Variants in CCDC91 observed in about 807,000 individuals in gnomAD.
CCDC91 encodes coiled-coil domain-containing protein 91.
CCDC91 carries 48 observed loss-of-function variants against 63.2 expected under a neutral mutation model. That is an observed-to-expected ratio of 0.76 (90% CI 0.60 to 0.97). The LOEUF is 0.97. Among genes scored for constraint, CCDC91 ranks in the 50% least tolerant of loss-of-function variants. The probability of loss-of-function intolerance (pLI) is 0.00; values close to 1 mark genes in which losing one functional copy is unlikely to be tolerated. For synonymous variants in CCDC91, 167 were observed against 165.8 expected (o/e 1.01, Z -0.06); for missense variants, 500 against 494.6 (o/e 1.01, Z -0.10).
intron 7 of CCDC91, among the ~76,000 whole-genome samples, chr12:28,387,809 T>G (rs1027661874): frequency 6.6e-5 from 10 of 152,228 alleles, no homozygotes; most frequent in Admixed American, 1.3e-4. Context: ...TTTGGGCTGG[T>G]TCCACATTTT....
At chr12:28,273,520 A>G (rs926680256) in intron 3 of CCDC91, among the ~76,000 whole-genome samples, 244 of 152,124 alleles carry the variant, frequency 1.6e-3, no homozygotes, top group Middle Eastern at 6.8e-3. Context: ...TGACTTTTTA[A>G]TGATTGCCAT....
At chr12:28,497,710 G>A (rs1192396147) in intron 12 of CCDC91, among the ~76,000 whole-genome samples, 2 of 151,550 alleles carry the variant, frequency 1.3e-5, no homozygotes, top group African/African-American at 4.8e-5. Flanking sequence ...CATGTATAAT[G>A]TGATTAATAC....
intron 8 of CCDC91, among the ~76,000 whole-genome samples, chr12:28,431,262 C>T (rs778362599): frequency 3.9e-5 from 6 of 151,990 alleles, no homozygotes; most frequent in Admixed American, 2.6e-4. Flanking sequence ...CTGTTAAATT[C>T]ACATTTTGTT....
At chr12:28,261,852 C>T (rs971210278) in intron 3 of CCDC91, among the ~76,000 whole-genome samples, 6 of 151,996 alleles carry the variant, frequency 3.9e-5, no homozygotes, top group East Asian at 1.9e-4. Flanking sequence ...CACACTCACA[C>T]TCACACACTC....
intron 1 of CCDC91, among the ~76,000 whole-genome samples, chr12:28,204,943 C>T (rs1416890849): frequency 6.6e-6 from 1 of 152,098 alleles, no homozygotes; most frequent in Non-Finnish European, 1.5e-5. Flanking sequence ...GCATAATTAA[C>T]ATTTTTAAGA....
intron 8 of CCDC91, among the ~76,000 whole-genome samples, chr12:28,416,389 A>G (rs1272820218): frequency 6.6e-6 from 1 of 152,106 alleles, no homozygotes; most frequent in African/African-American, 2.4e-5. Flanking sequence ...AGAGAAAAAA[A>G]AACTATTCTG....
At chr12:28,386,503 G>A (rs1256957606) in intron 7 of CCDC91, among the ~76,000 whole-genome samples, 1 of 152,038 alleles carries the variant, frequency 6.6e-6, no homozygotes, top group East Asian at 1.9e-4. Flanking sequence ...TGAGTAGCTG[G>A]GATTACAGGT....
At position 28,268,302 on chromosome 12, in the gene CCDC91, A is replaced by T. The variant is rs151102575; in HGVS notation, c.109+8860A>T. On this transcript the variant is annotated intron_variant, in intron 3 of 12. Transcript: ENST00000536442. ...ATAGTCTCCATCTCCTGACCTCGTG[A>T]TCTGCCCACCTCGGCTTCCCAAAGT... Among the ~76,000 whole-genome samples the T allele has an allele frequency of 2.2e-4, 33 of 151,924 alleles. 1 individual carries two copies. In the East Asian group the frequency reaches 6.2e-3, roughly 29 times the overall value.
chr12:28,229,093 C>CTA (rs1944439151), intron 1 of CCDC91, among the ~76,000 whole-genome samples: 1 of 151,922 alleles, frequency 6.6e-6, no homozygotes. Flanking sequence ...TAAAGGCCAC[C>CTA]TATATATGTA....
intron 10 of CCDC91, among the ~76,000 whole-genome samples, chr12:28,451,321 GA>G (rs1565994808): frequency 6.6e-6 from 1 of 151,664 alleles, no homozygotes; most frequent in Non-Finnish European, 1.5e-5. Flanking sequence ...TAGTAGTTTG[GA>G]AAGGAAAGAA....
chr12:28,291,271 A>AGCGGTAGT (rs1240752599), intron 3 of CCDC91, among the ~76,000 whole-genome samples: 1 of 152,176 alleles, frequency 6.6e-6, no homozygotes, highest in African/African-American at 2.4e-5. Context: ...TGCTTGAAAA[A>AGCGGTAGT]GCGGTAGTTG....
chr12:28,458,455 CTTTTTTTTTTTTTTTTTTT>C (rs60083355), intron 11 of CCDC91, among the ~76,000 whole-genome samples: 6 of 45,792 alleles, frequency 1.3e-4, no homozygotes, highest in Non-Finnish European at 2.0e-4. Context: ...ATTTGCACAC[CTTTTTTTTTTTTTTTTTTT>C]TTTTTTTTTT....
At chr12:28,450,286 G>A in intron 9 of CCDC91, 33 bp downstream of exon 9, 1 of 1,579,020 alleles carries the variant, frequency 6.3e-7, no homozygotes. Context: ...AGTGTAGAAA[G>A]AATGTGTTCT....
intron 6 of CCDC91, among the ~76,000 whole-genome samples, chr12:28,346,474 A>G (rs1942817534): frequency 6.6e-6 from 1 of 152,100 alleles, no homozygotes; most frequent in South Asian, 2.1e-4. Context: ...GCTGGAGATG[A>G]GTTTCTGGGC....
chr12:28,318,165 C>T (rs1209338672), intron 6 of CCDC91, among the ~76,000 whole-genome samples: 1 of 151,722 alleles, frequency 6.6e-6, no homozygotes, highest in Admixed American at 6.6e-5. Flanking sequence ...CCTAAATATT[C>T]AGTTTTTAAT....
Position 28,450,273 on chromosome 12 carries a change from C to T in CCDC91, c.855+20C>T, listed in dbSNP as rs1275818452. 2.0e-5 allele frequency: 32 copies of T among 1,582,740 alleles called. No homozygotes were observed. Among genetic ancestry groups the T allele is most frequent in the Non-Finnish European group, 2.8e-5 (32 of 1,152,422 alleles). On this transcript the variant is annotated intron_variant, in intron 9 of 12. Coordinates refer to ENST00000536442, the MANE Select transcript of CCDC91 (RefSeq NM_018318.5). ...CAGAAGGTAATACTTTAACTGTGCT[C>T]AGAGTGTAGAAAGAATGTGTTCTGT...
At chr12:28,527,153 G>A (rs980824903) in intron 12 of CCDC91, among the ~76,000 whole-genome samples, 1 of 152,124 alleles carries the variant, frequency 6.6e-6, no homozygotes, top group African/African-American at 2.4e-5. Context: ...TGGTGAGCTA[G>A]TGTGATTTTT....
At chr12:28,298,086 AAAT>A (rs1335996899) in intron 3 of CCDC91, among the ~76,000 whole-genome samples, 2 of 150,122 alleles carry the variant, frequency 1.3e-5, no homozygotes, top group African/African-American at 4.9e-5. Flanking sequence ...ACTTAGAGGG[AAAT>A]AATATGCTCT....
chr12:28,420,603 GGAA>G (rs1018346004), intron 8 of CCDC91, among the ~76,000 whole-genome samples: 7 of 151,996 alleles, frequency 4.6e-5, no homozygotes, highest in East Asian at 1.9e-4. Flanking sequence ...GAAAGGTAAA[GGAA>G]GAAGAAGAAG....
Sources: allele counts gnomAD v4.1 joint callset (sites outside exome capture counted in the v4.1 genomes callset), GRCh38; gene constraint gnomAD v4.1.1; transcripts MANE v1.5; gene names NCBI Gene and HGNC (gene_info 2026-07-23, HGNC 2026-07-21).